Variants in SMYD3 observed in about 807,000 individuals in gnomAD.
SMYD3 encodes the protein SET and MYND domain containing 3, also known as histone-lysine N-methyltransferase SMYD3.
SMYD3 carries 36 observed loss-of-function variants against 57.7 expected under a neutral mutation model. That is an observed-to-expected ratio of 0.62 (90% CI 0.48 to 0.82). The LOEUF (loss-of-function observed/expected upper bound fraction) is 0.82, where lower values mean the gene tolerates loss of function less well. SMYD3 is among the 40% of genes least tolerant of loss of function. The pLI, the probability that SMYD3 is intolerant of heterozygous loss-of-function variation, is 0.00. For synonymous variants in SMYD3, 211 were observed against 195.0 expected (o/e 1.08, Z -0.68); for missense variants, 515 against 538.8 (o/e 0.96, Z 0.44).
At chr1:245,909,723 T>C (rs1363078484) in intron 8 of SMYD3, among the ~76,000 whole-genome samples, 1 of 152,098 alleles carries the variant, frequency 6.6e-6, no homozygotes, top group Non-Finnish European at 1.5e-5. Context: ...TATGATCATT[T>C]CAATAGATGT....
chr1:246,346,119 C>T (rs1004830753), intron 2 of SMYD3, among the ~76,000 whole-genome samples: 2 of 152,128 alleles, frequency 1.3e-5, no homozygotes, highest in Admixed American at 1.3e-4. Context: ...CCCATCTCTA[C>T]TAAAAATACA....
At chr1:246,337,592 A>G (rs1032625531) in intron 2 of SMYD3, among the ~76,000 whole-genome samples, 4 of 152,202 alleles carry the variant, frequency 2.6e-5, no homozygotes, top group African/African-American at 9.7e-5. Context: ...CAGAGCGTGT[A>G]GGCAGGAACG....
intron 8 of SMYD3, among the ~76,000 whole-genome samples, chr1:245,907,919 C>T (rs547691911): frequency 3.3e-5 from 5 of 152,186 alleles, no homozygotes; most frequent in Admixed American, 6.5e-5. Flanking sequence ...GGGCAGATCA[C>T]GAGGTCAGGA....
At chr1:245,767,890 C>T (rs1014047435) in intron 10 of SMYD3, among the ~76,000 whole-genome samples, 1 of 152,204 alleles carries the variant, frequency 6.6e-6, no homozygotes, top group Admixed American at 6.5e-5. Context: ...GATATTTTAT[C>T]ACAATAGAAA....
intron 5 of SMYD3, among the ~76,000 whole-genome samples, chr1:246,082,872 A>C (rs1355596421): frequency 6.6e-6 from 1 of 151,858 alleles, no homozygotes; most frequent in South Asian, 2.1e-4. Flanking sequence ...TAAATGGATT[A>C]AGGGCGGTGC....
chr1:246,350,536 C>G (rs4654239), intron 2 of SMYD3, among the ~76,000 whole-genome samples: 149,975 of 152,292 alleles, frequency 0.98, 73,856 homozygotes, highest in East Asian at 1. Context: ...ATGGATCTGT[C>G]GCCAAGAAAG....
intron 5 of SMYD3, among the ~76,000 whole-genome samples, chr1:246,184,167 A>C (rs532741408): frequency 6.6e-6 from 1 of 152,256 alleles, no homozygotes; most frequent in Admixed American, 6.5e-5. Context: ...ACCAGGAGTT[A>C]AAAGAATATA....
intron 8 of SMYD3, among the ~76,000 whole-genome samples, chr1:245,882,623 G>T (rs1432092291): frequency 6.6e-6 from 1 of 152,076 alleles, no homozygotes; most frequent in Non-Finnish European, 1.5e-5. Context: ...ATGCACTAGT[G>T]TACCCTTGGG....
At chr1:245,972,849 T>TAC (rs1222575425) in intron 5 of SMYD3, among the ~76,000 whole-genome samples, 1 of 152,202 alleles carries the variant, frequency 6.6e-6, no homozygotes, top group Admixed American at 6.5e-5. Context: ...GTACATACAT[T>TAC]ACACAATCAG....
Position 246,000,228 on chromosome 1 carries a change from GCCCCACCCTCTTTCTTA to G in SMYD3, c.532-70308_532-70292del, listed in dbSNP as rs549220521. Among the ~76,000 whole-genome samples, 8 of 152,266 alleles carry G rather than the reference GCCCCACCCTCTTTCTTA, an allele frequency of 5.3e-5. No individual in the cohort carries two copies. In the South Asian group the frequency reaches 8.3e-4, roughly 16 times the overall value. On this transcript the variant is annotated intron_variant, in intron 5 of 11. Coordinates refer to ENST00000490107, the MANE Select transcript of SMYD3 (RefSeq NM_001167740.2). ...TCTACACAGCTACTCGGCTCCTTGT[GCCCCACCCTCTTTCTTA>G]CCCTTAAGCTGGCAAGATGATGACA...
chr1:246,198,950 T>C (rs2062866332), intron 5 of SMYD3, among the ~76,000 whole-genome samples: 1 of 152,206 alleles, frequency 6.6e-6, no homozygotes, highest in African/African-American at 2.4e-5. Flanking sequence ...AAGGGTTTTT[T>C]AATGTAAATT....
chr1:246,282,894 C>T (rs540837739), intron 5 of SMYD3, among the ~76,000 whole-genome samples: 1 of 152,234 alleles, frequency 6.6e-6, no homozygotes, highest in South Asian at 2.1e-4. Context: ...ACTGAAGATC[C>T]AGTCTCTCAC....
chr1:246,078,786 G>A (rs2060588311), intron 5 of SMYD3, among the ~76,000 whole-genome samples: 1 of 152,138 alleles, frequency 6.6e-6, no homozygotes, highest in African/African-American at 2.4e-5. Context: ...CAGATGTATT[G>A]ACTGACTGAA....
chr1:246,453,452 CTT>C (rs1035093107), intron 1 of SMYD3, among the ~76,000 whole-genome samples: 11 of 152,072 alleles, frequency 7.2e-5, no homozygotes, highest in African/African-American at 2.4e-4. Context: ...ACAATAAAAA[CTT>C]AGAAAATATA....
At chr1:245,830,549 G>A (rs2049775411) in intron 10 of SMYD3, among the ~76,000 whole-genome samples, 1 of 152,174 alleles carries the variant, frequency 6.6e-6, no homozygotes, top group South Asian at 2.1e-4. Flanking sequence ...GTGTGGGTAG[G>A]CAACTGGCCT....
intron 5 of SMYD3, among the ~76,000 whole-genome samples, chr1:246,159,930 G>T (rs2062087918): frequency 6.6e-6 from 1 of 152,166 alleles, no homozygotes; most frequent in South Asian, 2.1e-4. Context: ...AGCCTCCTGA[G>T]GAGCTGGGAT....
chr1:245,840,932 C>T (rs2050372008), intron 10 of SMYD3, among the ~76,000 whole-genome samples: 1 of 152,130 alleles, frequency 6.6e-6, no homozygotes, highest in Admixed American at 6.5e-5. Context: ...AGAGCCAAGG[C>T]TTGGCATTTG....
intron 5 of SMYD3, among the ~76,000 whole-genome samples, chr1:246,262,682 A>G (rs1770011): frequency 0.27 from 40,526 of 151,920 alleles, 6,096 homozygotes; most frequent in East Asian, 0.58. Flanking sequence ...CACCTAGCAC[A>G]GTACCTAGGT....
chr1:246,434,612 G>T (rs966492945), intron 1 of SMYD3, among the ~76,000 whole-genome samples: 2 of 152,182 alleles, frequency 1.3e-5, no homozygotes, highest in Non-Finnish European at 2.9e-5. Context: ...TCTCACACCT[G>T]TCAGAATGGC....
Sources: allele counts gnomAD v4.1 joint callset (sites outside exome capture counted in the v4.1 genomes callset), GRCh38; gene constraint gnomAD v4.1.1; transcripts MANE v1.5; gene names NCBI Gene and HGNC (gene_info 2026-07-23, HGNC 2026-07-21).